The following SOHLH2 variants were observed in gnomAD, a reference collection of about 807,000 sequenced individuals.
SOHLH2 encodes spermatogenesis- and oogenesis-specific basic helix-loop-helix-containing protein 2.
SOHLH2 carries 22 observed loss-of-function variants against 50.4 expected under a neutral mutation model. The ratio of observed to expected loss-of-function variants is 0.44; its 90% CI spans 0.31 to 0.62. The LOEUF (loss-of-function observed/expected upper bound fraction) is 0.62, where lower values mean the gene tolerates loss of function less well. Ranked by LOEUF, SOHLH2 falls within the 20% of genes least tolerant of loss-of-function variation. The pLI, the probability that SOHLH2 is intolerant of heterozygous loss-of-function variation, is 0.08. For missense variants in SOHLH2, 412 were observed against 504.4 expected (o/e 0.82, Z 1.76); for synonymous variants, 185 against 187.3 (o/e 0.99, Z 0.10).
Position 36,205,861 on chromosome 13 carries a change from T to C in SOHLH2, c.49-3768A>G, listed in dbSNP as rs559508125. Among the ~76,000 whole-genome samples the C allele has an allele frequency of 8.5e-5, 13 of 152,184 alleles. No individual in the cohort carries two copies. The South Asian group carries it at 2.7e-3, about 32-fold the overall frequency. On this transcript the variant is annotated intron_variant, in intron 1 of 10. Transcript: ENST00000379881. ...CATTTATAGAGCTGGATCTTACATT[T>C]CATTTTATAGTTCCTTATTGATTAA... is the stretch of plus-strand genomic sequence containing the variant.
At chr13:36,213,250 A>T (rs2138339180) in intron 1 of SOHLH2, among the ~76,000 whole-genome samples, 1 of 152,304 alleles carries the variant, frequency 6.6e-6, no homozygotes, top group Admixed American at 6.5e-5. Flanking sequence ...CAGATATTTC[A>T]TTCAGAATTC....
In SOHLH2 at chr13:36,168,892, T is replaced by C; in HGVS notation, c.*142A>G. 1.4e-6 allele frequency: 2 copies of C among 1,389,914 alleles called. No individual in the cohort carries two copies. Among genetic ancestry groups the C allele is most frequent in the African/African-American group, 2.9e-5 (2 of 67,928 alleles). The allele number at this position is 1,389,914 out of a possible 1,614,324, so 86.1% of individuals were successfully genotyped here. A position where few individuals can be genotyped will look rare whatever the true frequency, so the allele number is the denominator to read the frequency against. ...CTATCTGCAGAAGCTTTGAGTGCAT[T>C]TATCAGAAGCCAAACCATGCCAACT... On this transcript the variant is annotated 3_prime_UTR_variant, in exon 11 of 11. Transcript: ENST00000379881.
chr13:36,174,804 T>A lies in SOHLH2; in HGVS notation c.707A>T (p.Asn236Ile), dbSNP rs779418080. 1.9e-6 allele frequency: 3 copies of A among 1,611,176 alleles called. No homozygotes were observed. Among genetic ancestry groups the A allele is most frequent in the Admixed American group, 1.7e-5 (1 of 59,248 alleles). Residue 236 changes from asparagine to isoleucine, a missense_variant, in exon 7 of 11, where the codon AAT (asparagine) becomes ATT (isoleucine). Transcript: ENST00000379881. Reference sequence around the variant, plus strand: ...TGCCTCAAGAACTGAAGCCGCATCATTCTTTCTCCCTTTTACATACGGCAA... The same window carrying A: ...TGCCTCAAGAACTGAAGCCGCATCAATCTTTCTCCCTTTTACATACGGCAA... ...TLLPYVKGRK[N>I]DAASVLEATV...
rs893523246 is a variant in SOHLH2 at position 36,185,381 on chromosome 13, T to A, written c.641+4565A>T. Among the ~76,000 whole-genome samples, 10 of 151,812 alleles carry A rather than the reference T, an allele frequency of 6.6e-5. No homozygotes were observed. In the East Asian group the frequency reaches 1.6e-3, roughly 24 times the overall value. On this transcript the variant is annotated intron_variant, in intron 6 of 10. Coordinates refer to ENST00000379881, the MANE Select transcript of SOHLH2 (RefSeq NM_017826.3). ...GCTTGGGAGGCTGAGGCAGGAGAAT[T>A]GCTTGAACCCGGGAGGCAGAAGTTG...
chr13:36,211,150 T>C (rs1354774794), intron 1 of SOHLH2, among the ~76,000 whole-genome samples: 2 of 152,164 alleles, frequency 1.3e-5, no homozygotes. Flanking sequence ...AAATAACCTA[T>C]CTAATACGAT....
rs1295832813 is a variant in SOHLH2 at position 36,201,068 on chromosome 13, A to AG, written c.263+810_263+811insC. Reference sequence around the variant, plus strand: ...TGCCTCAAAAAAAAAAAAAAAAAAAAAAAGAAAAGAAAAGAAGCAGAACTT... The same window carrying AG: ...TGCCTCAAAAAAAAAAAAAAAAAAAAGAAAGAAAAGAAAAGAAGCAGAACTT... On this transcript the variant is annotated intron_variant, in intron 2 of 10. Coordinates refer to ENST00000379881, the MANE Select transcript of SOHLH2 (RefSeq NM_017826.3). Among the ~76,000 whole-genome samples, 1,017 of 150,094 alleles carry AG rather than the reference A, an allele frequency of 6.8e-3. 15 individuals are homozygous for AG. Among genetic ancestry groups the AG allele is most frequent in the African/African-American group, 0.024 (976 of 40,684 alleles).
intron 6 of SOHLH2, among the ~76,000 whole-genome samples, chr13:36,175,429 A>T (rs567734067): frequency 3.3e-5 from 5 of 152,346 alleles, no homozygotes; most frequent in East Asian, 3.9e-4. Context: ...CTTCCTTTAC[A>T]TGAGGTAGGT....
intron 1 of SOHLH2, among the ~76,000 whole-genome samples, chr13:36,210,240 T>A (rs936887781): frequency 1.3e-5 from 2 of 152,186 alleles, no homozygotes; most frequent in Non-Finnish European, 2.9e-5. Context: ...GGGAGTTCTG[T>A]ACCCAGCTAA....
At chr13:36,174,423 CA>C in intron 8 of SOHLH2, 52 bp downstream of exon 8, 1 of 1,606,452 alleles carries the variant, frequency 6.2e-7, no homozygotes, top group Non-Finnish European at 8.5e-7. Flanking sequence ...TTAGCATCAA[CA>C]TGGGAGGAAA....
At chr13:36,210,582 TG>T (rs1869059203) in intron 1 of SOHLH2, among the ~76,000 whole-genome samples, 1 of 152,194 alleles carries the variant, frequency 6.6e-6, no homozygotes, top group Non-Finnish European at 1.5e-5. Flanking sequence ...GATATTTACT[TG>T]AAGGAATCAT....
At chr13:36,212,344 G>A (rs1160452498) in intron 1 of SOHLH2, among the ~76,000 whole-genome samples, 1 of 152,150 alleles carries the variant, frequency 6.6e-6, no homozygotes, top group Non-Finnish European at 1.5e-5. Context: ...TAGCACACTT[G>A]GAATGTTAAT....
chr13:36,190,102 T>G, intron 5 of SOHLH2, 46 bp from the exon 6 acceptor site: 3 of 1,551,504 alleles, frequency 1.9e-6, no homozygotes, highest in Non-Finnish European at 2.6e-6. Flanking sequence ...GGGAAAATTG[T>G]CGGGCAAAAT....
chr13:36,214,218 C>T (rs78137882), intron 1 of SOHLH2, among the ~76,000 whole-genome samples: 1,886 of 152,286 alleles, frequency 0.012, 41 homozygotes, highest in African/African-American at 0.043. Flanking sequence ...GATAAATCAG[C>T]CCCGTCCCCC....
chr13:36,207,596 T>C (rs1445324997), intron 1 of SOHLH2, among the ~76,000 whole-genome samples: 1 of 152,204 alleles, frequency 6.6e-6, no homozygotes, highest in Non-Finnish European at 1.5e-5. Context: ...AATATTAGCA[T>C]AGTACTATTA....
intron 1 of SOHLH2, among the ~76,000 whole-genome samples, chr13:36,202,637 T>C (rs536281016): frequency 4.2e-4 from 64 of 152,350 alleles, no homozygotes; most frequent in African/African-American, 1.5e-3. Flanking sequence ...TTGGAGATAT[T>C]TTCAAGTATA....
At chr13:36,183,574 A>C (rs1467249253) in intron 6 of SOHLH2, among the ~76,000 whole-genome samples, 1 of 152,218 alleles carries the variant, frequency 6.6e-6, no homozygotes, top group Admixed American at 6.5e-5. Flanking sequence ...ATGAACACAA[A>C]TAGAAAAATT....
intron 1 of SOHLH2, among the ~76,000 whole-genome samples, chr13:36,213,602 T>C (rs1276416764): frequency 6.6e-6 from 1 of 152,214 alleles, no homozygotes; most frequent in Non-Finnish European, 1.5e-5. Context: ...AATCATCACC[T>C]TTCACTTTTA....
intron 6 of SOHLH2, among the ~76,000 whole-genome samples, chr13:36,181,304 T>C (rs754081210): frequency 6.6e-6 from 1 of 152,176 alleles, no homozygotes; most frequent in Non-Finnish European, 1.5e-5. Context: ...TTTGTTTTTA[T>C]CTATTCTGAA....
intron 2 of SOHLH2, among the ~76,000 whole-genome samples, chr13:36,194,313 A>T (rs946779542): frequency 1.3e-5 from 2 of 152,200 alleles, no homozygotes; most frequent in African/African-American, 4.8e-5. Flanking sequence ...CATAAGGATA[A>T]GCAGGGAAAT....
Sources: gnomAD v4.1 joint callset for allele counts (sites outside exome capture counted in the v4.1 genomes callset) on GRCh38, gnomAD v4.1.1 for gene constraint, MANE v1.5 for transcripts, NCBI Gene and HGNC (gene_info 2026-07-23, HGNC 2026-07-21) for gene names.